The following ADAMTS12 variants were observed in gnomAD, a reference collection of about 807,000 sequenced individuals.
The protein encoded by ADAMTS12 is A disintegrin and metalloproteinase with thrombospondin motifs 12.
A neutral mutation model predicts 167.8 loss-of-function variants in ADAMTS12; 118 were observed. The ratio of observed to expected loss-of-function variants is 0.70; its 90% CI spans 0.61 to 0.82. The LOEUF is 0.82. ADAMTS12 is among the 40% of genes least tolerant of loss of function. The probability of loss-of-function intolerance (pLI) is 0.00; values close to 1 mark genes in which losing one functional copy is unlikely to be tolerated. For missense variants in ADAMTS12, 1,916 were observed against 1,998.8 expected (o/e 0.96, Z 0.79); for synonymous variants, 704 against 716.9 (o/e 0.98, Z 0.29).
At chr5:33,873,149 T>C (rs1458596076) in intron 2 of ADAMTS12, among the ~76,000 whole-genome samples, 1 of 147,918 alleles carries the variant, frequency 6.8e-6, no homozygotes, top group Non-Finnish European at 1.5e-5. Flanking sequence ...ACAGATGACG[T>C]GAATGCTATG....
intron 2 of ADAMTS12, among the ~76,000 whole-genome samples, chr5:33,768,527 G>A (rs146851402): frequency 2.4e-3 from 361 of 152,106 alleles, no homozygotes; most frequent in African/African-American, 7.8e-3. Context: ...CATTTTGCAC[G>A]TTTTTAAATT....
At chr5:33,676,344 C>G (rs1741900578) in intron 5 of ADAMTS12, among the ~76,000 whole-genome samples, 1 of 152,148 alleles carries the variant, frequency 6.6e-6, no homozygotes, top group South Asian at 2.1e-4. Context: ...TGACCATGCT[C>G]TGGTAGTCAG....
chr5:33,658,427 G>T (rs1741139091), intron 6 of ADAMTS12, 94 bp from the exon 7 acceptor site: 1 of 1,423,918 alleles, frequency 7.0e-7, no homozygotes. Flanking sequence ...CATTCAATAT[G>T]GTCTGTAAAG....
At position 33,577,190 on chromosome 5, in the gene ADAMTS12, C is replaced by G. The variant is rs192176463; in HGVS notation, c.2866-30G>C. Reference sequence around the variant, plus strand: ...AAGAGAGAAACAGCTGTTAGCCTGGCGAGAGAAGATGCTTTTATTCTCATG... The same window carrying G: ...AAGAGAGAAACAGCTGTTAGCCTGGGGAGAGAAGATGCTTTTATTCTCATG... On this transcript the variant is annotated intron_variant, in intron 18 of 23. Coordinates refer to ENST00000504830, the MANE Select transcript of ADAMTS12 (RefSeq NM_030955.4). 38 of 1,613,544 alleles carry G rather than the reference C, an allele frequency of 2.4e-5. No homozygotes were observed. The South Asian group carries it at 4.2e-4, about 18-fold the overall frequency.
intron 3 of ADAMTS12, among the ~76,000 whole-genome samples, chr5:33,696,748 CAAT>C (rs1443298355): frequency 6.6e-6 from 1 of 152,144 alleles, no homozygotes; most frequent in Non-Finnish European, 1.5e-5. Flanking sequence ...TTAATTTTTT[CAAT>C]AGAGATATTT....
chr5:33,880,574 T>C (rs7443937), intron 2 of ADAMTS12, among the ~76,000 whole-genome samples: 80,853 of 152,128 alleles, frequency 0.53, 23,944 homozygotes, highest in East Asian at 0.83. Flanking sequence ...TTTGCCAAAC[T>C]TTGCTCCATG....
At chr5:33,870,854 G>GCCTCCTTC (rs1388867364) in intron 2 of ADAMTS12, among the ~76,000 whole-genome samples, 1 of 152,106 alleles carries the variant, frequency 6.6e-6, no homozygotes, top group Non-Finnish European at 1.5e-5. Flanking sequence ...TATAAGATGT[G>GCCTCCTTC]CCTCCTTCCT....
chr5:33,689,743 A>G (rs12173148), intron 3 of ADAMTS12, among the ~76,000 whole-genome samples: 34,206 of 152,180 alleles, frequency 0.22, 4,031 homozygotes, highest in East Asian at 0.42. Flanking sequence ...TACTGGCCTG[A>G]CCCAAACCAC....
intron 2 of ADAMTS12, among the ~76,000 whole-genome samples, chr5:33,754,891 T>A (rs1745118151): frequency 6.6e-6 from 1 of 151,990 alleles, no homozygotes; most frequent in Admixed American, 6.6e-5. Flanking sequence ...TAAATAAGTA[T>A]CTGTGAATGC....
At chr5:33,764,364 A>G (rs1183456438) in intron 2 of ADAMTS12, among the ~76,000 whole-genome samples, 2 of 152,208 alleles carry the variant, frequency 1.3e-5, no homozygotes, top group African/African-American at 4.8e-5. Context: ...AGATTGGATG[A>G]CATTTATCAT....
intron 2 of ADAMTS12, among the ~76,000 whole-genome samples, chr5:33,865,774 T>C (rs928107387): frequency 6.6e-6 from 1 of 152,248 alleles, no homozygotes; most frequent in Admixed American, 6.5e-5. Flanking sequence ...TATCTGGTTA[T>C]AAAATCAATG....
intron 2 of ADAMTS12, among the ~76,000 whole-genome samples, chr5:33,848,235 G>A (rs966462234): frequency 4.0e-5 from 6 of 151,442 alleles, no homozygotes; most frequent in Non-Finnish European, 7.4e-5. Context: ...AAAAAGTGAA[G>A]CAAGGAAATG....
intron 5 of ADAMTS12, among the ~76,000 whole-genome samples, chr5:33,676,284 T>A (rs916271154): frequency 5.6e-4 from 85 of 152,284 alleles, no homozygotes; most frequent in African/African-American, 2.0e-3. Flanking sequence ...AAATCTTGTA[T>A]TGATTTCTCT....
chr5:33,670,463 C>T (rs922279434), intron 5 of ADAMTS12, among the ~76,000 whole-genome samples: 4 of 152,092 alleles, frequency 2.6e-5, no homozygotes, highest in South Asian at 2.1e-4. Flanking sequence ...CATAGGTGGC[C>T]GGGCGCGGTG....
chr5:33,714,552 T>C (rs12516961), intron 3 of ADAMTS12, among the ~76,000 whole-genome samples: 43,888 of 151,888 alleles, frequency 0.29, 7,736 homozygotes, highest in Non-Finnish European at 0.4. Flanking sequence ...TCAACCTAAA[T>C]GTCCATCAAC....
intron 17 of ADAMTS12, among the ~76,000 whole-genome samples, chr5:33,590,502 G>A (rs905433195): frequency 6.6e-6 from 1 of 152,168 alleles, no homozygotes; most frequent in Admixed American, 6.5e-5. Context: ...TCTGTATGAG[G>A]ACATGAACGT....
intron 3 of ADAMTS12, among the ~76,000 whole-genome samples, chr5:33,727,365 C>T (rs961170735): frequency 2.6e-5 from 4 of 152,168 alleles, no homozygotes; most frequent in African/African-American, 4.8e-5. Context: ...GGCATTTCAT[C>T]GCTTTGCAGC....
chr5:33,667,474 T>A (rs183548530), intron 5 of ADAMTS12, among the ~76,000 whole-genome samples: 41 of 152,308 alleles, frequency 2.7e-4, no homozygotes, highest in African/African-American at 9.6e-4. Context: ...GCATTTTCCA[T>A]AGGTCCTCCA....
intron 2 of ADAMTS12, among the ~76,000 whole-genome samples, chr5:33,768,912 G>T (rs1419279979): frequency 6.6e-6 from 1 of 151,740 alleles, no homozygotes; most frequent in Non-Finnish European, 1.5e-5. Flanking sequence ...TAGATTACAT[G>T]GTAAAGGGGA....
Sources: gnomAD v4.1 joint callset for allele counts (sites outside exome capture counted in the v4.1 genomes callset) on GRCh38, gnomAD v4.1.1 for gene constraint, MANE v1.5 for transcripts, NCBI Gene and HGNC (gene_info 2026-07-23, HGNC 2026-07-21) for gene names.